The following NELL2 variants were observed in gnomAD, a reference collection of about 807,000 sequenced individuals.
NELL2 encodes protein kinase C-binding protein NELL2.
NELL2 carries 41 observed loss-of-function variants against 109.6 expected under a neutral mutation model. The ratio of observed to expected loss-of-function variants is 0.37; its 90% CI spans 0.29 to 0.49. The LOEUF is 0.49. Among genes scored for constraint, NELL2 ranks in the 20% least tolerant of loss-of-function variants. The probability of loss-of-function intolerance (pLI) is 0.98; values close to 1 mark genes in which losing one functional copy is unlikely to be tolerated. For missense variants in NELL2, 900 were observed against 1,008.3 expected, an observed-to-expected ratio of 0.89 and a Z score of 1.45; for synonymous variants, 355 against 344.7, an observed-to-expected ratio of 1.03 and a Z score of -0.33.
intron 3 of NELL2, 42 bp from the exon 4 acceptor site, chr12:44,780,064 T>G (rs759711559): frequency 1.8e-5 from 28 of 1,595,718 alleles, no homozygotes; most frequent in Non-Finnish European, 2.4e-5. Context: ...AAAAATAAAG[T>G]TCAAAAACGA....
intron 1 of NELL2, chr12:44,881,952 G>T (rs1945416229): frequency 6.6e-6 from 1 of 151,902 alleles, no homozygotes; most frequent in Admixed American, 6.5e-5. Context: ...TGCAAACCAT[G>T]GAGGCCACAA....
At chr12:44,546,832 G>C (rs1228030001) in intron 15 of NELL2, among the ~76,000 whole-genome samples, 2 of 152,096 alleles carry the variant, frequency 1.3e-5, no homozygotes, top group Non-Finnish European at 2.9e-5. Context: ...TTGTGTACTT[G>C]AGTAATGTAT....
At chr12:44,866,034 T>C (rs1364253214) in intron 2 of NELL2, among the ~76,000 whole-genome samples, 1 of 152,096 alleles carries the variant, frequency 6.6e-6, no homozygotes, top group Non-Finnish European at 1.5e-5. Context: ...AATGGTCTCA[T>C]GAAAGAGACT....
At chr12:44,583,218 A>G (rs1337096898) in intron 15 of NELL2, among the ~76,000 whole-genome samples, 1 of 152,236 alleles carries the variant, frequency 6.6e-6, no homozygotes, top group African/African-American at 2.4e-5. Flanking sequence ...ATCTTCAATG[A>G]ATGAAAGTTG....
At chr12:44,666,537 G>A (rs575683502) in intron 12 of NELL2, among the ~76,000 whole-genome samples, 2 of 152,292 alleles carry the variant, frequency 1.3e-5, no homozygotes, top group Non-Finnish European at 2.9e-5. Flanking sequence ...ATAGCTAGGT[G>A]ATACACCACT....
In NELL2 at chr12:44,849,720, C is replaced by G. The variant is rs191650601; in HGVS notation, c.184+25505G>C. Among the ~76,000 whole-genome samples, 286 of 152,108 alleles carry G rather than the reference C, an allele frequency of 1.9e-3. 4 individuals are homozygous for G. The highest frequency in any genetic ancestry group is 0.017 in the Admixed American group (263 of 15,282). The stretch of plus-strand genomic sequence containing the variant: ...TTTATGGCAGCTTTATTCATAATAG[C>G]CAAAGACTAGAAAAAACCCAGGTGT... On this transcript the variant is annotated intron_variant, in intron 2 of 19. Transcript: ENST00000429094.
chr12:44,919,501 C>A (rs1945853614), intron 1 of NELL2, among the ~76,000 whole-genome samples: 1 of 152,106 alleles, frequency 6.6e-6, no homozygotes, highest in Non-Finnish European at 1.5e-5. Context: ...TGCAGACGCT[C>A]AAGTTAGGAT....
At chr12:44,910,947 T>C (rs1945773026) in intron 1 of NELL2, among the ~76,000 whole-genome samples, 1 of 151,744 alleles carries the variant, frequency 6.6e-6, no homozygotes, top group Admixed American at 6.6e-5. Context: ...GGAGCTAAAC[T>C]TTAGGTACTT....
chr12:44,580,254 T>C (rs572739320), intron 15 of NELL2, among the ~76,000 whole-genome samples: 4 of 152,186 alleles, frequency 2.6e-5, no homozygotes, highest in Non-Finnish European at 4.4e-5. Flanking sequence ...GAATAGGGGA[T>C]AGTTATGTGG....
At chr12:44,618,818 G>A (rs1945931573) in intron 13 of NELL2, among the ~76,000 whole-genome samples, 1 of 152,154 alleles carries the variant, frequency 6.6e-6, no homozygotes, top group Non-Finnish European at 1.5e-5. Context: ...ATTCTTAAGT[G>A]CTTACTACAG....
chr12:44,558,630 G>A (rs184675897), intron 15 of NELL2, among the ~76,000 whole-genome samples: 202 of 152,250 alleles, frequency 1.3e-3, no homozygotes, highest in African/African-American at 4.6e-3. Context: ...CATGAGGAAG[G>A]GTGCACTCTA....
At chr12:44,678,309 G>T (rs1948383505) in intron 12 of NELL2, among the ~76,000 whole-genome samples, 1 of 152,000 alleles carries the variant, frequency 6.6e-6, no homozygotes, top group African/African-American at 2.4e-5. Flanking sequence ...CTAGTGACCT[G>T]GTACTACCAA....
Position 44,519,988 on chromosome 12 carries a change from AATTT to A in NELL2, c.2400+13_2400+16del. On this transcript the variant is annotated intron_variant, in intron 19 of 19. Coordinates refer to ENST00000429094, the MANE Select transcript of NELL2 (RefSeq NM_001145108.2). ...CAGCTGGCAAAGTGCTCACTATTTA[AATTT>A]AATGGAGTTTACCTTGCACTGGCAG... 1 of 1,611,192 alleles carries A rather than the reference AATTT, an allele frequency of 6.2e-7. No individual in the cohort carries two copies. The highest frequency in any genetic ancestry group is 8.5e-7 in the Non-Finnish European group (1 of 1,177,498).
At chr12:44,514,631 G>A (rs935713116) in intron 19 of NELL2, among the ~76,000 whole-genome samples, 1 of 151,480 alleles carries the variant, frequency 6.6e-6, no homozygotes, top group South Asian at 2.1e-4. Context: ...TGTTTAATAA[G>A]GTTCAGTATA....
At chr12:44,756,654 A>G (rs1403170222) in intron 9 of NELL2, among the ~76,000 whole-genome samples, 1 of 152,126 alleles carries the variant, frequency 6.6e-6, no homozygotes, top group African/African-American at 2.4e-5. Flanking sequence ...TTCTGCTACC[A>G]TGTATCACTT....
chr12:44,795,638 A>T (rs949996318), intron 3 of NELL2, among the ~76,000 whole-genome samples: 1 of 152,202 alleles, frequency 6.6e-6, no homozygotes, highest in East Asian at 1.9e-4. Flanking sequence ...AGAAGCCAGG[A>T]AATAAACAAG....
At chr12:44,805,089 G>A (rs1942955546) in intron 3 of NELL2, among the ~76,000 whole-genome samples, 1 of 151,750 alleles carries the variant, frequency 6.6e-6, no homozygotes, top group Non-Finnish European at 1.5e-5. Context: ...TACACTTTAT[G>A]TAGTAATTTC....
intron 19 of NELL2, among the ~76,000 whole-genome samples, chr12:44,516,558 T>C (rs1941267084): frequency 6.6e-6 from 1 of 152,236 alleles, no homozygotes; most frequent in Admixed American, 6.5e-5. Flanking sequence ...TAAGGTTCAA[T>C]TATTTAAAGG....
intron 2 of NELL2, among the ~76,000 whole-genome samples, chr12:44,833,127 T>C (rs1302273528): frequency 2.0e-5 from 3 of 152,228 alleles, no homozygotes; most frequent in Non-Finnish European, 2.9e-5. Context: ...TCAGAACACT[T>C]AACAAATAAA....
Sources: gnomAD v4.1 joint callset for allele counts (sites outside exome capture counted in the v4.1 genomes callset) on GRCh38, gnomAD v4.1.1 for gene constraint, MANE v1.5 for transcripts, NCBI Gene and HGNC (gene_info 2026-07-23, HGNC 2026-07-21) for gene names.